Variants in CADM2 observed in about 807,000 individuals in gnomAD.
CADM2 encodes immunoglobulin superfamily member 4D.
CADM2 carries 12 observed loss-of-function variants against 49.8 expected under a neutral mutation model. That is an observed-to-expected ratio of 0.24 (90% CI 0.15 to 0.39). CADM2 has a LOEUF of 0.39. Among genes scored for constraint, CADM2 ranks in the 10% least tolerant of loss-of-function variants. The probability of loss-of-function intolerance (pLI) is 1.00; values close to 1 mark genes in which losing one functional copy is unlikely to be tolerated. For synonymous variants in CADM2, 214 were observed against 175.4 expected (o/e 1.22, Z -1.74); for missense variants, 378 against 492.3 (o/e 0.77, Z 2.20).
chr3:86,009,714 A>G (rs1232259456), intron 8 of CADM2, among the ~76,000 whole-genome samples: 1 of 151,736 alleles, frequency 6.6e-6, no homozygotes, highest in Non-Finnish European at 1.5e-5. Flanking sequence ...TCACATTAGG[A>G]TTGTGTAACT....
At chr3:85,915,689 G>C (rs1718201752) in intron 6 of CADM2, among the ~76,000 whole-genome samples, 1 of 152,122 alleles carries the variant, frequency 6.6e-6, no homozygotes, top group African/African-American at 2.4e-5. Flanking sequence ...GAAGAGCTCA[G>C]CCTTGGAAAC....
intron 3 of CADM2, among the ~76,000 whole-genome samples, chr3:85,851,539 T>G (rs2075109572): frequency 6.6e-6 from 1 of 151,520 alleles, no homozygotes; most frequent in African/African-American, 2.4e-5. Context: ...ATTGTATTAT[T>G]CCAGTTACTT....
chr3:85,766,860 A>G (rs1011267197), intron 2 of CADM2, among the ~76,000 whole-genome samples: 4 of 152,118 alleles, frequency 2.6e-5, no homozygotes, highest in Non-Finnish European at 5.9e-5. Context: ...ATTCAACTTG[A>G]TAATATATGT....
intron 1 of CADM2, among the ~76,000 whole-genome samples, chr3:85,374,879 C>T (rs1185204925): frequency 6.6e-6 from 1 of 152,044 alleles, no homozygotes; most frequent in Non-Finnish European, 1.5e-5. Flanking sequence ...ATTTGAGGAG[C>T]TACAGTTCAA....
chr3:85,158,169 A>G (rs1223731693), intron 1 of CADM2, among the ~76,000 whole-genome samples: 2 of 152,208 alleles, frequency 1.3e-5, no homozygotes, highest in Non-Finnish European at 2.9e-5. Context: ...TAGAATGGCA[A>G]TCATTAAAAA....
intron 1 of CADM2, among the ~76,000 whole-genome samples, chr3:85,354,733 A>G (rs1028232904): frequency 1.3e-5 from 2 of 151,750 alleles, no homozygotes; most frequent in African/African-American, 2.4e-5. Context: ...GGAGAGCTTT[A>G]TTTCTTATAA....
intron 1 of CADM2, among the ~76,000 whole-genome samples, chr3:85,586,840 C>T (rs1250265120): frequency 6.6e-6 from 1 of 152,038 alleles, no homozygotes; most frequent in Non-Finnish European, 1.5e-5. Flanking sequence ...AACTGAATCC[C>T]CTGAAATAGT....
chr3:85,138,657 C>T (rs554299815), intron 1 of CADM2, among the ~76,000 whole-genome samples: 28 of 152,094 alleles, frequency 1.8e-4, no homozygotes, highest in Middle Eastern at 6.8e-3. Flanking sequence ...TTGGCAAATG[C>T]TATGTTTGAA....
At chr3:85,011,228 A>G (rs1311553545) in intron 1 of CADM2, among the ~76,000 whole-genome samples, 1 of 151,876 alleles carries the variant, frequency 6.6e-6, no homozygotes, top group Non-Finnish European at 1.5e-5. Flanking sequence ...ATAGTTTTCA[A>G]TCCGCTTGAT....
chr3:85,166,080 C>T (rs1046685683), intron 1 of CADM2, among the ~76,000 whole-genome samples: 2 of 151,538 alleles, frequency 1.3e-5, no homozygotes, highest in African/African-American at 4.8e-5. Flanking sequence ...AATACAGGCT[C>T]AAGATCATAA....
intron 1 of CADM2, among the ~76,000 whole-genome samples, chr3:85,654,426 G>A (rs2065138903): frequency 6.6e-6 from 1 of 152,126 alleles, no homozygotes; most frequent in Admixed American, 6.5e-5. Flanking sequence ...TTAACAGAAG[G>A]GAAGGCAGCA....
chr3:85,518,851 G>A (rs2060965399), intron 1 of CADM2, among the ~76,000 whole-genome samples: 1 of 151,914 alleles, frequency 6.6e-6, no homozygotes, highest in Non-Finnish European at 1.5e-5. Context: ...TAGTCACCTC[G>A]GCAAAGATTT....
chr3:86,000,471 G>T (rs1730041738), intron 8 of CADM2, among the ~76,000 whole-genome samples: 1 of 152,104 alleles, frequency 6.6e-6, no homozygotes, highest in South Asian at 2.1e-4. Context: ...TGTTTTTATA[G>T]GAAGGTGAGA....
At chr3:85,905,406 A>G (rs893347601) in intron 5 of CADM2, among the ~76,000 whole-genome samples, 2 of 152,188 alleles carry the variant, frequency 1.3e-5, no homozygotes, top group Admixed American at 6.5e-5. Flanking sequence ...AAGACTGACA[A>G]CTGTCCCCGA....
chr3:85,493,780 T>C (rs1313527265), intron 1 of CADM2, among the ~76,000 whole-genome samples: 1 of 152,180 alleles, frequency 6.6e-6, no homozygotes, highest in Admixed American at 6.5e-5. Flanking sequence ...CATTTAGGTC[T>C]CTTGTCAGCT....
intron 1 of CADM2, among the ~76,000 whole-genome samples, chr3:85,135,668 A>T (rs1401619008): frequency 6.6e-6 from 1 of 152,062 alleles, no homozygotes; most frequent in Non-Finnish European, 1.5e-5. Context: ...CCTCCTCAAA[A>T]CACAGAATGT....
At chr3:85,334,788 T>G (rs749253953) in intron 1 of CADM2, among the ~76,000 whole-genome samples, 13 of 151,542 alleles carry the variant, frequency 8.6e-5, no homozygotes, top group Non-Finnish European at 1.8e-4. Flanking sequence ...TCTTCTTAAA[T>G]ATTGAGGCTA....
chr3:85,187,693 T>A (rs2041098070), intron 1 of CADM2, among the ~76,000 whole-genome samples: 1 of 152,082 alleles, frequency 6.6e-6, no homozygotes, highest in African/African-American at 2.4e-5. Flanking sequence ...TTATTAAATG[T>A]CAACGTGGAT....
intron 1 of CADM2, among the ~76,000 whole-genome samples, chr3:85,150,342 T>C (rs1348727009): frequency 2.0e-5 from 3 of 152,128 alleles, no homozygotes; most frequent in Non-Finnish European, 4.4e-5. Flanking sequence ...TGGCAGATGG[T>C]GTACAAAAGA....
Sources: allele counts gnomAD v4.1 joint callset (sites outside exome capture counted in the v4.1 genomes callset), GRCh38; gene constraint gnomAD v4.1.1; transcripts MANE v1.5; gene names NCBI Gene and HGNC (gene_info 2026-07-23, HGNC 2026-07-21).